The following GALNT17 variants were observed in gnomAD, a reference collection of about 807,000 sequenced individuals.
GALNT17 encodes polypeptide N-acetylgalactosaminyltransferase 17, also known as UDP-GalNAc:polypeptide N-acetylgalactosaminyltransferase-like 3.
GALNT17 carries 29 observed loss-of-function variants against 63.7 expected under a neutral mutation model. The observed-to-expected ratio is 0.46, with a 90% CI of 0.34 to 0.62. GALNT17 has a LOEUF of 0.62. Among genes scored for constraint, GALNT17 ranks in the 20% least tolerant of loss-of-function variants. The probability of loss-of-function intolerance (pLI) is 0.01; values close to 1 mark genes in which losing one functional copy is unlikely to be tolerated. For synonymous variants in GALNT17, 305 were observed against 318.3 expected, an observed-to-expected ratio of 0.96 and a Z score of 0.45; for missense variants, 603 against 799.6, an observed-to-expected ratio of 0.75 and a Z score of 2.97.
intron 5 of GALNT17, among the ~76,000 whole-genome samples, chr7:71,455,197 G>A (rs545970973): frequency 3.9e-5 from 6 of 151,958 alleles, no homozygotes; most frequent in African/African-American, 1.4e-4. Flanking sequence ...ATGCTGGTCA[G>A]TTGTTCATGT....
intron 1 of GALNT17, among the ~76,000 whole-genome samples, chr7:71,232,160 C>T (rs1166574443): frequency 1.3e-5 from 2 of 152,102 alleles, no homozygotes; most frequent in African/African-American, 2.4e-5. Context: ...GATGTAAGGT[C>T]ATGAGTCATA....
At chr7:71,200,936 A>G (rs551142790) in intron 1 of GALNT17, among the ~76,000 whole-genome samples, 1 of 152,044 alleles carries the variant, frequency 6.6e-6, no homozygotes, top group South Asian at 2.1e-4. Context: ...TGTTATTTAT[A>G]TGTATTATTA....
Position 71,346,028 on chromosome 7 carries a change from A to T in GALNT17, c.422+10295A>T, listed in dbSNP as rs1483656262. Among the ~76,000 whole-genome samples the T allele has an allele frequency of 2.4e-3, 112 of 47,048 alleles. 2 individuals carry two copies. The East Asian group carries it at 0.024, about 10-fold the overall frequency. 30.9% of individuals were successfully genotyped at this position (47,048 alleles called of 152,430 possible). ...TGAGACCTGTCTCTACTAAAAATTAAAAAAAAAAAAAAAAAAAAGCTGGAT... is the reference window on the plus strand; with the variant it reads ...TGAGACCTGTCTCTACTAAAAATTATAAAAAAAAAAAAAAAAAAGCTGGAT... On this transcript the variant is annotated intron_variant, in intron 2 of 10. Transcript: ENST00000333538.
chr7:71,345,148 T>TG (rs1563020016), intron 2 of GALNT17, among the ~76,000 whole-genome samples: 1 of 43,576 alleles, frequency 2.3e-5, no homozygotes, highest in Admixed American at 2.0e-4. Context: ...TTGTTTTTTG[T>TG]TTTTTTTTTT....
At chr7:71,373,537 G>A (rs1214965971) in intron 2 of GALNT17, among the ~76,000 whole-genome samples, 1 of 152,152 alleles carries the variant, frequency 6.6e-6, no homozygotes, top group Non-Finnish European at 1.5e-5. Context: ...ACAGCAGGAG[G>A]TGAGCGGCGG....
chr7:71,529,318 G>A (rs998442236), intron 5 of GALNT17, among the ~76,000 whole-genome samples: 3 of 151,982 alleles, frequency 2.0e-5, no homozygotes, highest in African/African-American at 7.3e-5. Flanking sequence ...GGGGCAATTA[G>A]AAATTCTAGT....
At chr7:71,249,005 A>AG (rs1790149985) in intron 1 of GALNT17, among the ~76,000 whole-genome samples, 1 of 152,218 alleles carries the variant, frequency 6.6e-6, no homozygotes, top group African/African-American at 2.4e-5. Flanking sequence ...CCTGGCATTT[A>AG]GGAGAAATTC....
At chr7:71,483,304 C>T (rs1021506415) in intron 5 of GALNT17, among the ~76,000 whole-genome samples, 14 of 151,996 alleles carry the variant, frequency 9.2e-5, no homozygotes, top group African/African-American at 3.4e-4. Flanking sequence ...AACTCTGTCT[C>T]TATTAAAAAT....
intron 7 of GALNT17, among the ~76,000 whole-genome samples, chr7:71,666,500 G>A (rs554302884): frequency 1.1e-4 from 17 of 151,854 alleles, no homozygotes; most frequent in South Asian, 4.2e-4. Flanking sequence ...TGGTGCAACC[G>A]TCACCCGATC....
chr7:71,613,791 G>A (rs1388478435), intron 6 of GALNT17, among the ~76,000 whole-genome samples: 6 of 139,300 alleles, frequency 4.3e-5, no homozygotes, highest in African/African-American at 1.7e-4. Context: ...CCATCTCTAT[G>A]ATTTTTTTTT....
intron 5 of GALNT17, among the ~76,000 whole-genome samples, chr7:71,441,574 C>T (rs1453213973): frequency 2.0e-5 from 3 of 152,028 alleles, no homozygotes; most frequent in East Asian, 1.9e-4. Context: ...ACCTATCAAC[C>T]GGTCATCTAG....
At chr7:71,406,189 A>G (rs1357013833) in intron 3 of GALNT17, among the ~76,000 whole-genome samples, 2 of 152,188 alleles carry the variant, frequency 1.3e-5, no homozygotes, top group Non-Finnish European at 2.9e-5. Flanking sequence ...ATATTTCATT[A>G]TAGACACAGA....
chr7:71,256,249 G>A (rs1178905633), intron 1 of GALNT17, among the ~76,000 whole-genome samples: 2 of 152,206 alleles, frequency 1.3e-5, no homozygotes, highest in East Asian at 3.9e-4. Context: ...TGTATTGATT[G>A]ATGCCTGTTG....
rs1020296559 is a variant in GALNT17, at chr7:71,179,009, T to G, written c.238+45969T>G. Among the ~76,000 whole-genome samples the G allele has an allele frequency of 7.9e-5, 12 of 152,310 alleles. No individual in the cohort carries two copies. In the South Asian group the frequency reaches 1.9e-3, roughly 24 times the overall value. On this transcript the variant is annotated intron_variant, in intron 1 of 10. Transcript: ENST00000333538. ...CCTGCTATATTCCTTTCAATGGATT[T>G]TTATCTAACAGAGAGTTAACTTGGC... is the stretch of plus-strand genomic sequence containing the variant.
At chr7:71,650,229 G>C (rs1023265432) in intron 6 of GALNT17, among the ~76,000 whole-genome samples, 2 of 152,166 alleles carry the variant, frequency 1.3e-5, no homozygotes, top group Non-Finnish European at 2.9e-5. Flanking sequence ...GGGCTTTTGG[G>C]CCATATGACA....
chr7:71,385,591 A>C (rs1053974520), intron 2 of GALNT17, among the ~76,000 whole-genome samples: 8 of 152,272 alleles, frequency 5.3e-5, no homozygotes, highest in Non-Finnish European at 1.0e-4. Context: ...CGCCAGCCTG[A>C]TTAACCCCAG....
chr7:71,580,631 A>C (rs1033735802), intron 6 of GALNT17, among the ~76,000 whole-genome samples: 1 of 152,140 alleles, frequency 6.6e-6, no homozygotes, highest in African/African-American at 2.4e-5. Flanking sequence ...TGGTTGTGAC[A>C]GTGGGAGAGG....
At chr7:71,420,787 G>C in intron 4 of GALNT17, 121 bp from the exon 5 acceptor site, 1 of 1,205,864 alleles carries the variant, frequency 8.3e-7, no homozygotes, top group Non-Finnish European at 1.2e-6. Context: ...GTTTGCATCT[G>C]AGTTCCAGCC....
intron 4 of GALNT17, among the ~76,000 whole-genome samples, chr7:71,420,330 T>C (rs1327827451): frequency 6.6e-6 from 1 of 152,170 alleles, no homozygotes; most frequent in African/African-American, 2.4e-5. Flanking sequence ...TGCTAACCAA[T>C]TCAATTAGAT....
Sources: allele counts gnomAD v4.1 joint callset (sites outside exome capture counted in the v4.1 genomes callset), GRCh38; gene constraint gnomAD v4.1.1; transcripts MANE v1.5; gene names NCBI Gene and HGNC (gene_info 2026-07-23, HGNC 2026-07-21).